The following ISCA2 variants were observed in gnomAD, a reference collection of about 807,000 sequenced individuals.
ISCA2 encodes iron-sulfur cluster assembly 2 homolog, mitochondrial.
A neutral mutation model predicts 19.1 loss-of-function variants in ISCA2; 21 were observed. The observed-to-expected ratio is 1.10, with a 90% CI of 0.78 to 1.59. ISCA2 has a LOEUF of 1.59. Among genes scored for constraint, ISCA2 ranks in the 40% most tolerant of loss-of-function variants. The pLI, the probability that ISCA2 is intolerant of heterozygous loss-of-function variation, is 0.00. For synonymous variants in ISCA2, 107 were observed against 83.8 expected (o/e 1.28, Z -1.51); for missense variants, 181 against 191.7 (o/e 0.94, Z 0.33).
chr14:74,494,549 C>T (rs1307282323), intron 3 of ISCA2, 159 bp downstream of exon 3: 2 of 654,628 alleles, frequency 3.1e-6, no homozygotes, highest in African/African-American at 1.8e-5. Flanking sequence ...TGTTCTGAAT[C>T]AAAGTAACTA....
At chr14:74,494,524 G>A in intron 3 of ISCA2, 134 bp downstream of exon 3, 1 of 690,100 alleles carries the variant, frequency 1.4e-6, no homozygotes, top group South Asian at 1.8e-5. Context: ...CAGTGAGGAT[G>A]CAGTAAAGGT....
chr14:74,495,895 G>A lies in ISCA2; in HGVS notation c.*895G>A, dbSNP rs1165733251. 6.6e-6 allele frequency: 1 copy of A among 152,090 alleles called. No homozygotes were observed. Among genetic ancestry groups the A allele is most frequent in the Non-Finnish European group, 1.5e-5 (1 of 68,016 alleles). The allele number at this position is 152,090 out of a possible 1,614,324, so 9.4% of individuals were successfully genotyped here. A position where few individuals can be genotyped will look rare whatever the true frequency, so the allele number is the denominator to read the frequency against. On this transcript the variant is annotated 3_prime_UTR_variant, in exon 4 of 4. Coordinates refer to ENST00000556816, the MANE Select transcript of ISCA2 (RefSeq NM_194279.4). ...TTTCAGGTAAATAATTTTTTAGTAT[G>A]CATATGTCTCAAATATTGCATATAC...
chr14:74,493,985 C>T lies in ISCA2; in HGVS notation c.72-65C>T. On this transcript the variant is annotated intron_variant, in intron 1 of 3. Transcript: ENST00000556816. This position sits in a 1 kb window ranked among gnomAD's most constrained non-coding sequence, Gnocchi z 4.1. ...GGGTCGCCAGGTTTAGCGTGAGGCG[C>T]TCCAGGTCGAGGGTTGCAAGGTGCC... 8 of 1,489,564 alleles carry T rather than the reference C, an allele frequency of 5.4e-6. No homozygotes were observed. Among genetic ancestry groups the T allele is most frequent in the Non-Finnish European group, 5.5e-6 (6 of 1,099,314 alleles). 92.3% of individuals were successfully genotyped at this position (1,489,564 alleles called of 1,614,324 possible).
chr14:74,494,818 C>G lies in ISCA2; in HGVS notation c.291-8C>G, dbSNP rs1344324570. 1 of 1,613,240 alleles carries G rather than the reference C, an allele frequency of 6.2e-7. No homozygotes were observed. Among genetic ancestry groups the G allele is most frequent in the African/African-American group, 1.3e-5 (1 of 74,894 alleles). ...ATACTCCTTAATGCCTTCCTCCTGT[C>G]TTTTCAGGGTATTTGAACAGGGTGG... On this transcript the variant is annotated splice_polypyrimidine_tract_variant and splice_region_variant and intron_variant, in intron 3 of 3. Transcript: ENST00000556816.
chr14:74,493,845 G>A lies in ISCA2; in HGVS notation c.71G>A (p.Arg24Lys). The A allele has an allele frequency of 6.4e-7, 1 of 1,559,720 alleles. No homozygotes were observed. The highest frequency in any genetic ancestry group is 1.3e-5 in the African/African-American group (1 of 74,088). The change falls in exon 1 of 4, where the codon AGG (arginine) becomes AAG (lysine). Residue 24 changes from arginine to lysine, a missense_variant and splice_region_variant. Physicochemically the swap from Arg to Lys is conservative, Grantham distance 26. Coordinates refer to ENST00000556816, the MANE Select transcript of ISCA2 (RefSeq NM_194279.4). The surrounding 1 kb of genome is among the most constrained non-coding windows in gnomAD (Gnocchi z 4.1). ...QRAVTPWPRG[R>K]LLTASLGPQA... ...GCGGTCACTCCCTGGCCGAGGGGCAGGTACCAAGACTAGAAAGGCACCTGG... is the reference window on the plus strand; with the variant it reads ...GCGGTCACTCCCTGGCCGAGGGGCAAGTACCAAGACTAGAAAGGCACCTGG...
chr14:74,495,052 C>A lies in ISCA2; in HGVS notation c.*52C>A. On this transcript the variant is annotated 3_prime_UTR_variant, in exon 4 of 4. Coordinates refer to ENST00000556816, the MANE Select transcript of ISCA2 (RefSeq NM_194279.4). ...TCACCAGTTGTACCAATTTGAAGAA[C>A]CTGGAATTAGTAGAATTCTAGAAGT... is the stretch of plus-strand genomic sequence containing the variant. The A allele has an allele frequency of 7.5e-7, 1 of 1,341,776 alleles. No homozygotes were observed. Among genetic ancestry groups the A allele is most frequent in the Non-Finnish European group, 1.1e-6 (1 of 947,204 alleles). 83.1% of individuals were successfully genotyped at this position (1,341,776 alleles called of 1,614,324 possible).
chr14:74,494,056 C>T lies in ISCA2; in HGVS notation c.78C>T (p.Leu26=), dbSNP rs2086814503. Residue 26 remains leucine (L), a synonymous_variant, in exon 2 of 4, where the codon CTC becomes CTT. Transcript: ENST00000556816. ...CCTCCTCCCTTGCGCGCAGGCTCCT[C>T]ACGGCCTCCCTGGGACCCCAGGCGC... ...AVTPWPRGRL[L]TASLGPQARR... 3.9e-6 allele frequency: 6 copies of T among 1,541,054 alleles called. No homozygotes were observed. The highest frequency in any genetic ancestry group is 1.7e-4 in the Middle Eastern group (1 of 5,968).
Position 74,494,876 on chromosome 14 carries a change from C to T in ISCA2, c.341C>T (p.Ala114Val), listed in dbSNP as rs1254399904. 1.9e-6 allele frequency: 3 copies of T among 1,614,022 alleles called. No homozygotes were observed. In the East Asian group the frequency reaches 6.7e-5, roughly 36 times the overall value. ...GTGGTGGTTGACTCTGATAGCTTGG[C>T]CTTCGTGAAAGGGGCCCAGGTGGAC... The part of the protein sequence containing the change: ...ARVVVDSDSL[A>V]FVKGAQVDFS... The change falls in exon 4 of 4, where the codon GCC becomes GTC. Residue 114 changes from alanine to valine, a missense_variant. Transcript: ENST00000556816.
At chr14:74,494,641 T>G (rs1165838775) in intron 3 of ISCA2, 185 bp from the exon 4 acceptor site, 1 of 629,010 alleles carries the variant, frequency 1.6e-6, no homozygotes, top group Admixed American at 2.9e-5. Flanking sequence ...CAGGCTTAAG[T>G]CCCTACACGT....
In ISCA2 at chr14:74,495,046, G is replaced by A. The variant is rs773901879; in HGVS notation, c.*46G>A. On this transcript the variant is annotated 3_prime_UTR_variant, in exon 4 of 4. Coordinates refer to ENST00000556816, the MANE Select transcript of ISCA2 (RefSeq NM_194279.4). ...GGATTGTCACCAGTTGTACCAATTT[G>A]AAGAACCTGGAATTAGTAGAATTCT... 1 of 1,369,216 alleles carries A rather than the reference G, an allele frequency of 7.3e-7. No homozygotes were observed. The highest frequency in any genetic ancestry group is 1.2e-5 in the South Asian group (1 of 82,040). The allele number at this position is 1,369,216 out of a possible 1,614,324, so 84.8% of individuals were successfully genotyped here. A position where few individuals can be genotyped will look rare whatever the true frequency, so the allele number is the denominator to read the frequency against.
Position 74,495,897 on chromosome 14 carries a change from A to G in ISCA2, c.*897A>G, listed in dbSNP as rs1043569213. 6.6e-6 allele frequency: 1 copy of G among 152,240 alleles called. No homozygotes were observed. The highest frequency in any genetic ancestry group is 1.5e-5 in the Non-Finnish European group (1 of 68,040). The allele number at this position is 152,240 out of a possible 1,614,324, so 9.4% of individuals were successfully genotyped here. A position where few individuals can be genotyped will look rare whatever the true frequency, so the allele number is the denominator to read the frequency against. ...TCAGGTAAATAATTTTTTAGTATGCATATGTCTCAAATATTGCATATACTA... is the reference window on the plus strand; with the variant it reads ...TCAGGTAAATAATTTTTTAGTATGCGTATGTCTCAAATATTGCATATACTA... On this transcript the variant is annotated 3_prime_UTR_variant, in exon 4 of 4. Coordinates refer to ENST00000556816, the MANE Select transcript of ISCA2 (RefSeq NM_194279.4).
In ISCA2 at chr14:74,496,151, A is replaced by G. The variant is rs189557557; in HGVS notation, c.*1151A>G. 2.0e-5 allele frequency: 3 copies of G among 152,324 alleles called. No individual in the cohort carries two copies. The highest frequency in any genetic ancestry group is 2.0e-4 in the Admixed American group (3 of 15,302). The allele number at this position is 152,324 out of a possible 1,614,324, so 9.4% of individuals were successfully genotyped here. A position where few individuals can be genotyped will look rare whatever the true frequency, so the allele number is the denominator to read the frequency against. On this transcript the variant is annotated 3_prime_UTR_variant, in exon 4 of 4. Transcript: ENST00000556816. ...AAATCTACCACCATCACCACACCGA[A>G]TGATTTATTAATACTGATGTTGGAG...
chr14:74,493,899 A>G lies in ISCA2; in HGVS notation c.71+54A>G, dbSNP rs150285392. 238 of 1,520,032 alleles carry G rather than the reference A, an allele frequency of 1.6e-4. 1 individual carries two copies. The East Asian group carries it at 5.7e-3, about 37-fold the overall frequency. The allele number at this position is 1,520,032 out of a possible 1,614,324, so 94.2% of individuals were successfully genotyped here. ...GGGTGTTTGGTTCTGCGCCTCTAGG[A>G]CAAATGGGAAACTAAGGCCTGTGGG... On this transcript the variant is annotated intron_variant, in intron 1 of 3. Transcript: ENST00000556816. This position sits in a 1 kb window ranked among gnomAD's most constrained non-coding sequence, Gnocchi z 4.1.
In ISCA2 at chr14:74,493,987, C is replaced by G. The variant is rs1318768989; in HGVS notation, c.72-63C>G. 1.3e-6 allele frequency: 2 copies of G among 1,490,226 alleles called. No homozygotes were observed. The highest frequency in any genetic ancestry group is 1.4e-5 in the African/African-American group (1 of 71,678). The allele number at this position is 1,490,226 out of a possible 1,614,324, so 92.3% of individuals were successfully genotyped here. A position where few individuals can be genotyped will look rare whatever the true frequency, so the allele number is the denominator to read the frequency against. On this transcript the variant is annotated intron_variant, in intron 1 of 3. Transcript: ENST00000556816. The surrounding 1 kb of genome is among the most constrained non-coding windows in gnomAD (Gnocchi z 4.1). ...GTCGCCAGGTTTAGCGTGAGGCGCT[C>G]CAGGTCGAGGGTTGCAAGGTGCCCC...
Position 74,495,656 on chromosome 14 carries a change from C to T in ISCA2, c.*656C>T, listed in dbSNP as rs1595231629. On this transcript the variant is annotated 3_prime_UTR_variant, in exon 4 of 4. Transcript: ENST00000556816. ...GATAGTGAATTATTTCAAAAATAGC[C>T]TCCCTACTCATACAGACATTTTAAG... The T allele has an allele frequency of 6.6e-6, 1 of 152,196 alleles. No homozygotes were observed. The allele number at this position is 152,196 out of a possible 1,614,324, so 9.4% of individuals were successfully genotyped here.
rs1178560497 is a variant in ISCA2 at position 74,494,393 on chromosome 14, A to G, written c.290+3A>G. The G allele has an allele frequency of 6.2e-7, 1 of 1,607,432 alleles. No homozygotes were observed. Among genetic ancestry groups the G allele is most frequent in the Admixed American group, 1.7e-5 (1 of 60,006 alleles). ...ACAGTTATCAACCCCGACGACAGGCAAGGAGGAAGGGGTGGGCCCCCAAAG... is the reference window on the plus strand; with the variant it reads ...ACAGTTATCAACCCCGACGACAGGCGAGGAGGAAGGGGTGGGCCCCCAAAG... On this transcript the variant is annotated splice_donor_region_variant and intron_variant, in intron 3 of 3. Transcript: ENST00000556816.
At position 74,494,750 on chromosome 14, in the gene ISCA2, A is replaced by T; in HGVS notation, c.291-76A>T. 3 of 1,277,094 alleles carry T rather than the reference A, an allele frequency of 2.3e-6. No individual in the cohort carries two copies. The South Asian group carries it at 4.0e-5, about 17-fold the overall frequency. 79.1% of individuals were successfully genotyped at this position (1,277,094 alleles called of 1,614,324 possible). A position where few individuals can be genotyped will look rare whatever the true frequency, so the allele number is the denominator to read the frequency against. ...CCCTCTGTACTTTAGAAAACAGAGG[A>T]TGTGCACCTCTGGGCTCAGGGGGTG... is the stretch of plus-strand genomic sequence containing the variant. On this transcript the variant is annotated intron_variant, in intron 3 of 3. Coordinates refer to ENST00000556816, the MANE Select transcript of ISCA2 (RefSeq NM_194279.4).
chr14:74,494,459 A>G, intron 3 of ISCA2, 69 bp downstream of exon 3: 1 of 1,125,710 alleles, frequency 8.9e-7, no homozygotes, highest in Non-Finnish European at 1.4e-6. Flanking sequence ...TTTAAGGTGC[A>G]CTTTTATTCC....
Position 74,494,821 on chromosome 14 carries a change from T to C in ISCA2, c.291-5T>C. On this transcript the variant is annotated splice_polypyrimidine_tract_variant and splice_region_variant and intron_variant, in intron 3 of 3. Transcript: ENST00000556816. Reference sequence around the variant, plus strand: ...CTCCTTAATGCCTTCCTCCTGTCTTTTCAGGGTATTTGAACAGGGTGGGGC... The same window carrying C: ...CTCCTTAATGCCTTCCTCCTGTCTTCTCAGGGTATTTGAACAGGGTGGGGC... 1 of 1,613,728 alleles carries C rather than the reference T, an allele frequency of 6.2e-7. No individual in the cohort carries two copies. Among genetic ancestry groups the C allele is most frequent in the South Asian group, 1.1e-5 (1 of 91,020 alleles).
Sources: gnomAD v4.1 joint callset for allele counts on GRCh38, gnomAD v4.1.1 for gene constraint, Gnocchi (gnomAD v3.1) non-coding constraint, MANE v1.5 for transcripts, NCBI Gene and HGNC (gene_info 2026-07-23, HGNC 2026-07-21) for gene names.